The following DTNB variants were observed in gnomAD, a reference collection of about 807,000 sequenced individuals.
The protein encoded by DTNB is dystrobrevin beta, also known as DTN-B.
In DTNB, 63 loss-of-function variants were observed where a neutral mutation model predicts 90.7. The observed-to-expected ratio is 0.69, with a 90% confidence interval of 0.57 to 0.86. DTNB has a LOEUF of 0.86. Ranked by LOEUF, DTNB falls within the 40% of genes least tolerant of loss-of-function variation. The probability of loss-of-function intolerance (pLI) is 0.00; values close to 1 mark genes in which losing one functional copy is unlikely to be tolerated. For missense variants in DTNB, 744 were observed against 807.1 expected, an observed-to-expected ratio of 0.92 and a Z score of 0.95; for synonymous variants, 277 against 286.7, an observed-to-expected ratio of 0.97 and a Z score of 0.34.
intron 4 of DTNB, among the ~76,000 whole-genome samples, chr2:25,608,837 A>G (rs2067738100): frequency 6.6e-6 from 1 of 152,226 alleles, no homozygotes; most frequent in African/African-American, 2.4e-5. Flanking sequence ...ATAGGGGCAC[A>G]TAACAGAGCT....
intron 9 of DTNB, among the ~76,000 whole-genome samples, chr2:25,505,892 A>G (rs2072285608): frequency 6.6e-6 from 1 of 152,214 alleles, no homozygotes; most frequent in African/African-American, 2.4e-5. Flanking sequence ...TTACTTCTAT[A>G]TCAATTATTT....
At chr2:25,456,105 T>C (rs760117719) in intron 10 of DTNB, among the ~76,000 whole-genome samples, 6 of 152,230 alleles carry the variant, frequency 3.9e-5, no homozygotes, top group Non-Finnish European at 5.9e-5. Flanking sequence ...TATAGATACA[T>C]GAAAGGTCCT....
rs552172644 is a variant in DTNB, at chr2:25,532,478, A to G, written c.877-881T>C. Among the ~76,000 whole-genome samples the G allele has an allele frequency of 2.9e-4, 44 of 152,300 alleles. 1 individual carries two copies. Among genetic ancestry groups the G allele is most frequent in the Non-Finnish European group, 4.6e-4 (31 of 68,032 alleles). ...CAGGCAGCACCAGACCCAGGACTCT[A>G]TATTACAAAAATAAGTTGGCATACC... On this transcript the variant is annotated intron_variant, in intron 8 of 20. Coordinates refer to ENST00000406818, the MANE Select transcript of DTNB (RefSeq NM_021907.5).
At chr2:25,663,428 G>A (rs1266849037) in intron 1 of DTNB, among the ~76,000 whole-genome samples, 2 of 152,202 alleles carry the variant, frequency 1.3e-5, no homozygotes, top group African/African-American at 4.8e-5. Flanking sequence ...TATATACCCA[G>A]TAATGGGATT....
chr2:25,658,063 C>T (rs910574611), intron 1 of DTNB, among the ~76,000 whole-genome samples: 3 of 152,000 alleles, frequency 2.0e-5, no homozygotes, highest in African/African-American at 7.3e-5. Context: ...TCGAGACCAG[C>T]CTGGCTAACA....
chr2:25,526,694 C>CCA (rs2077262615), intron 9 of DTNB, among the ~76,000 whole-genome samples: 1 of 151,860 alleles, frequency 6.6e-6, no homozygotes, highest in Non-Finnish European at 1.5e-5. Context: ...CCATGCCCAG[C>CCA]CATAAATAAA....
chr2:25,430,697 G>A lies in DTNB; in HGVS notation c.1457+2189C>T, dbSNP rs538240707. Among the ~76,000 whole-genome samples, 6 of 152,292 alleles carry A rather than the reference G, an allele frequency of 3.9e-5. No homozygotes were observed. In the South Asian group the frequency reaches 1.2e-3, roughly 32 times the overall value. ...TAATGATAAACCAAATTCTGGATAG[G>A]CGTTCACCCAGTGGGGAAGGTGGAG... On this transcript the variant is annotated intron_variant, in intron 14 of 20. Transcript: ENST00000406818.
At chr2:25,499,170 T>C (rs1377866851) in intron 9 of DTNB, among the ~76,000 whole-genome samples, 1 of 145,384 alleles carries the variant, frequency 6.9e-6, no homozygotes, top group Non-Finnish European at 1.5e-5. Context: ...TCAGTCGAGA[T>C]CGTGTCATTG....
At chr2:25,536,147 G>A in intron 8 of DTNB, among the ~76,000 whole-genome samples, 1 of 151,224 alleles carries the variant, frequency 6.6e-6, no homozygotes, top group Non-Finnish European at 1.5e-5. Flanking sequence ...CAGACGATGG[G>A]CGGCCACGCA....
At chr2:25,523,675 G>C (rs2076562640) in intron 9 of DTNB, among the ~76,000 whole-genome samples, 1 of 150,298 alleles carries the variant, frequency 6.7e-6, no homozygotes. Flanking sequence ...CTACTCATAT[G>C]TTTGTATTTG....
intron 2 of DTNB, among the ~76,000 whole-genome samples, chr2:25,640,938 G>A (rs1232040593): frequency 3.3e-5 from 5 of 152,062 alleles, no homozygotes; most frequent in African/African-American, 7.2e-5. Context: ...CCCGGGAGGC[G>A]GAGCTTGCAG....
intron 8 of DTNB, among the ~76,000 whole-genome samples, chr2:25,574,529 C>G (rs1444221710): frequency 2.6e-5 from 4 of 152,192 alleles, no homozygotes; most frequent in Non-Finnish European, 5.9e-5. Context: ...AATGAAAATT[C>G]TTATACTAGC....
At chr2:25,618,429 C>G (rs1354031593) in intron 4 of DTNB, among the ~76,000 whole-genome samples, 1 of 152,200 alleles carries the variant, frequency 6.6e-6, no homozygotes, top group Non-Finnish European at 1.5e-5. Context: ...CCAGTGGCCA[C>G]AGCACATGTC....
At chr2:25,551,117 T>C (rs1194109717) in intron 8 of DTNB, among the ~76,000 whole-genome samples, 4 of 152,250 alleles carry the variant, frequency 2.6e-5, no homozygotes, top group African/African-American at 9.6e-5. Context: ...CTCACCCTGA[T>C]CTTTTAGTTA....
At chr2:25,461,131 C>T (rs1287408359) in intron 10 of DTNB, among the ~76,000 whole-genome samples, 1 of 152,124 alleles carries the variant, frequency 6.6e-6, no homozygotes, top group Non-Finnish European at 1.5e-5. Context: ...CTTGTACTCC[C>T]GACCTTAGGT....
intron 8 of DTNB, among the ~76,000 whole-genome samples, chr2:25,574,360 A>G (rs1373200126): frequency 6.6e-6 from 1 of 152,262 alleles, no homozygotes; most frequent in African/African-American, 2.4e-5. Flanking sequence ...ATATGGTACC[A>G]TACGGCATTT....
At position 25,620,251 on chromosome 2, in the gene DTNB, A is replaced by C. The variant is rs146792562; in HGVS notation, c.362+7920T>G. On this transcript the variant is annotated intron_variant, in intron 4 of 20. Coordinates refer to ENST00000406818, the MANE Select transcript of DTNB (RefSeq NM_021907.5). ...AGAGGTTGGTGTGGGCAGGGAGGTAAGCAGTGTTATCATTAAACCAACGGA... is the reference window on the plus strand; with the variant it reads ...AGAGGTTGGTGTGGGCAGGGAGGTACGCAGTGTTATCATTAAACCAACGGA... 7.1e-3 allele frequency among the ~76,000 whole-genome samples: 1,072 copies of C among 151,822 alleles called. 10 individuals are homozygous for C. The highest frequency in any genetic ancestry group is 0.025 in the African/African-American group (1,015 of 41,390).
At chr2:25,647,402 G>T (rs2079730422) in intron 2 of DTNB, among the ~76,000 whole-genome samples, 1 of 152,146 alleles carries the variant, frequency 6.6e-6, no homozygotes, top group Admixed American at 6.6e-5. Flanking sequence ...TATGCAAAAA[G>T]CTTGATCTAA....
chr2:25,581,778 C>T (rs10197318), intron 6 of DTNB, among the ~76,000 whole-genome samples: 3,829 of 152,354 alleles, frequency 0.025, 149 homozygotes, highest in African/African-American at 0.087. Context: ...AGCTGAAAGT[C>T]CAGGTCACAC....
Sources: gnomAD v4.1 joint callset for allele counts (sites outside exome capture counted in the v4.1 genomes callset) on GRCh38, gnomAD v4.1.1 for gene constraint, MANE v1.5 for transcripts, NCBI Gene and HGNC (gene_info 2026-07-23, HGNC 2026-07-21) for gene names.